The following RNGTT variants were observed in gnomAD, a reference collection of about 807,000 sequenced individuals.
RNGTT encodes the protein mRNA-capping enzyme.
A neutral mutation model predicts 79.3 loss-of-function variants in RNGTT; 33 were observed. The ratio of observed to expected loss-of-function variants is 0.42; its 90% CI spans 0.32 to 0.56. The LOEUF (loss-of-function observed/expected upper bound fraction) is 0.56. Ranked by LOEUF, RNGTT falls within the 20% of genes least tolerant of loss-of-function variation. The pLI is 0.17. For synonymous variants in RNGTT, 222 were observed against 235.9 expected (o/e 0.94, Z 0.54); for missense variants, 497 against 739.1 (o/e 0.67, Z 3.80).
chr6:88,807,329 A>G (rs544357909), intron 11 of RNGTT, among the ~76,000 whole-genome samples: 6 of 152,336 alleles, frequency 3.9e-5, no homozygotes. Context: ...ACGGATATGG[A>G]GTTTCAGCAG....
intron 14 of RNGTT, among the ~76,000 whole-genome samples, chr6:88,673,969 G>T (rs991010781): frequency 6.6e-6 from 1 of 152,222 alleles, no homozygotes; most frequent in Non-Finnish European, 1.5e-5. Context: ...AACCTATTAG[G>T]ATTCCTGGCT....
chr6:88,955,322 G>A lies in RNGTT; in HGVS notation c.64+8024C>T, dbSNP rs200269864. Among the ~76,000 whole-genome samples, 93 of 151,824 alleles carry A rather than the reference G, an allele frequency of 6.1e-4. 1 individual carries two copies. In the East Asian group the frequency reaches 8.0e-3, roughly 13 times the overall value. On this transcript the variant is annotated intron_variant, in intron 1 of 15. Coordinates refer to ENST00000369485, the MANE Select transcript of RNGTT (RefSeq NM_003800.5). ...TCCTAGCACTTTGGGAGGCCAAGGCGGGCAAATCACAAGGTCAGGAGTTCG... is the reference window on the plus strand; with the variant it reads ...TCCTAGCACTTTGGGAGGCCAAGGCAGGCAAATCACAAGGTCAGGAGTTCG...
At chr6:88,802,480 T>C (rs527923121) in intron 11 of RNGTT, among the ~76,000 whole-genome samples, 3 of 152,326 alleles carry the variant, frequency 2.0e-5, no homozygotes, top group African/African-American at 7.2e-5. Flanking sequence ...TGTATATCAC[T>C]GATGGAGGCC....
At chr6:88,741,061 A>G (rs1279017649) in intron 13 of RNGTT, among the ~76,000 whole-genome samples, 2 of 152,192 alleles carry the variant, frequency 1.3e-5, no homozygotes, top group African/African-American at 4.8e-5. Flanking sequence ...AACTTAAAAC[A>G]GAATCATCAT....
At chr6:88,903,120 C>CA (rs1192706433) in intron 6 of RNGTT, among the ~76,000 whole-genome samples, 1 of 151,790 alleles carries the variant, frequency 6.6e-6, no homozygotes, top group Non-Finnish European at 1.5e-5. Context: ...ACTAGTGGCA[C>CA]AAAAAAAGAG....
Position 88,785,177 on chromosome 6 carries a change from C to G in RNGTT, c.1339-15303G>C, listed in dbSNP as rs544245582. 4.6e-5 allele frequency among the ~76,000 whole-genome samples: 7 copies of G among 152,130 alleles called. No homozygotes were observed. In the South Asian group the frequency reaches 1.5e-3, roughly 32 times the overall value. ...TTAATATGTATCATTTATATGAGAA[C>G]TGATTTGGTATTCTGTATATTTACC... On this transcript the variant is annotated intron_variant, in intron 12 of 15. Coordinates refer to ENST00000369485, the MANE Select transcript of RNGTT (RefSeq NM_003800.5).
At chr6:88,614,103 C>T (rs1772131173) in intron 15 of RNGTT, among the ~76,000 whole-genome samples, 169 bp downstream of exon 15, 1 of 152,190 alleles carries the variant, frequency 6.6e-6, no homozygotes, top group Admixed American at 6.5e-5. Flanking sequence ...ACCTACAAGC[C>T]AACTGGAGCC....
chr6:88,952,874 C>A (rs1415308925), intron 1 of RNGTT, among the ~76,000 whole-genome samples: 1 of 152,140 alleles, frequency 6.6e-6, no homozygotes, highest in African/African-American at 2.4e-5. Context: ...AACAATCACA[C>A]CAATCCAGCT....
At chr6:88,926,539 GTTTATTT>G (rs1784325317) in intron 4 of RNGTT, among the ~76,000 whole-genome samples, 2 of 152,094 alleles carry the variant, frequency 1.3e-5, no homozygotes, top group Admixed American at 1.3e-4. Context: ...ATTTCTTCAT[GTTTATTT>G]TAATATTTAA....
At chr6:88,859,667 C>A (rs1008027623) in intron 8 of RNGTT, among the ~76,000 whole-genome samples, 1 of 152,160 alleles carries the variant, frequency 6.6e-6, no homozygotes, top group African/African-American at 2.4e-5. Context: ...ACCTAGGATG[C>A]CTTGCCCAGA....
chr6:88,812,683 A>C (rs1780179698), intron 11 of RNGTT, among the ~76,000 whole-genome samples: 1 of 152,370 alleles, frequency 6.6e-6, no homozygotes, highest in South Asian at 2.1e-4. Flanking sequence ...GCGTGAGACC[A>C]ACTGGAGAAG....
At chr6:88,662,316 T>C (rs535042647) in intron 14 of RNGTT, among the ~76,000 whole-genome samples, 3 of 152,302 alleles carry the variant, frequency 2.0e-5, no homozygotes, top group South Asian at 2.1e-4. Flanking sequence ...ATTCCAGACA[T>C]TGTATGAGGA....
In RNGTT at chr6:88,705,726, T is replaced by G. The variant is rs183378383; in HGVS notation, c.1440-27307A>C. Among the ~76,000 whole-genome samples, 37 of 152,244 alleles carry G rather than the reference T, an allele frequency of 2.4e-4. No individual in the cohort carries two copies. In the East Asian group the frequency reaches 6.9e-3, roughly 29 times the overall value. On this transcript the variant is annotated intron_variant, in intron 13 of 15. Transcript: ENST00000369485. ...GGTATAAGAGTCAAGAAACATCACT[T>G]TGCAAATGTTCTGACTATGGTCAGC...
chr6:88,895,511 A>T (rs1783210542), intron 6 of RNGTT, among the ~76,000 whole-genome samples: 1 of 152,150 alleles, frequency 6.6e-6, no homozygotes, highest in South Asian at 2.1e-4. Context: ...TTATAAACCC[A>T]AAGAGAACTA....
intron 13 of RNGTT, among the ~76,000 whole-genome samples, chr6:88,753,782 G>T (rs1432574473): frequency 1.3e-5 from 2 of 151,948 alleles, no homozygotes; most frequent in African/African-American, 2.4e-5. Context: ...TAAAATCATA[G>T]ATTATACTGA....
At chr6:88,658,041 C>T (rs918887568) in intron 14 of RNGTT, among the ~76,000 whole-genome samples, 1 of 152,110 alleles carries the variant, frequency 6.6e-6, no homozygotes, top group African/African-American at 2.4e-5. Context: ...CCTGAGAAAC[C>T]CAAGTACTTA....
intron 13 of RNGTT, among the ~76,000 whole-genome samples, chr6:88,709,119 C>T (rs945692528): frequency 2.6e-5 from 4 of 151,962 alleles, no homozygotes; most frequent in African/African-American, 4.8e-5. Context: ...ACCAGTCTGA[C>T]GAACATGGTG....
intron 14 of RNGTT, among the ~76,000 whole-genome samples, chr6:88,627,336 G>A (rs1278987809): frequency 6.6e-6 from 1 of 152,134 alleles, no homozygotes; most frequent in East Asian, 1.9e-4. Context: ...TCATTAAGAT[G>A]TCAATGTATA....
intron 11 of RNGTT, among the ~76,000 whole-genome samples, chr6:88,828,647 A>G (rs955572927): frequency 3.9e-5 from 6 of 152,132 alleles, no homozygotes; most frequent in Admixed American, 3.3e-4. Context: ...CCTTGAAAAA[A>G]GGTTAGAGGA....
Sources: allele counts gnomAD v4.1 joint callset (sites outside exome capture counted in the v4.1 genomes callset), GRCh38; gene constraint gnomAD v4.1.1; transcripts MANE v1.5; gene names NCBI Gene and HGNC (gene_info 2026-07-23, HGNC 2026-07-21).